NCAM1: variants seen among roughly 807,000 people sequenced by gnomAD.
NCAM1 encodes antigen recognized by monoclonal antibody 5.1H11.
In NCAM1, 14 loss-of-function variants were observed where a neutral mutation model predicts 109.8. The ratio of observed to expected loss-of-function variants is 0.13; its 90% CI spans 0.08 to 0.20. The LOEUF (loss-of-function observed/expected upper bound fraction) is 0.20, where lower values mean the gene tolerates loss of function less well. NCAM1 is among the 10% of genes least tolerant of loss of function. The probability of loss-of-function intolerance (pLI) is 1.00; values close to 1 mark genes in which losing one functional copy is unlikely to be tolerated. For missense variants in NCAM1, 774 were observed against 1,109.9 expected, an observed-to-expected ratio of 0.70 and a Z score of 4.30; for synonymous variants, 418 against 442.9, an observed-to-expected ratio of 0.94 and a Z score of 0.70.
Position 113,232,196 on chromosome 11 carries a change from G to A in NCAM1, c.1267G>A (p.Ala423Thr). ...QYAPKLQGPVAVYTWEGNQVN... is the reference protein window; with the variant it reads ...QYAPKLQGPVTVYTWEGNQVN... ...TGCCCCAAAGCTACAGGGCCCTGTG[G>A]CTGTGTACACTTGGGAGGGGAACCA... is the stretch of plus-strand genomic sequence containing the variant. Residue 423 changes from alanine to threonine, a missense_variant, in exon 11 of 20, where the codon GCT (alanine) becomes ACT (threonine). Transcript: ENST00000316851. 1 of 1,610,340 alleles carries A rather than the reference G, an allele frequency of 6.2e-7. No homozygotes were observed. The highest frequency in any genetic ancestry group is 1.3e-5 in the African/African-American group (1 of 74,900).
At chr11:113,057,694 G>C (rs1472586080) in intron 1 of NCAM1, among the ~76,000 whole-genome samples, 1 of 152,160 alleles carries the variant, frequency 6.6e-6, no homozygotes, top group Admixed American at 6.5e-5. Flanking sequence ...AGAAGTCATA[G>C]ATAACCCCTA....
At chr11:113,015,895 GAGAAGA>G (rs1251886566) in intron 1 of NCAM1, among the ~76,000 whole-genome samples, 4 of 152,152 alleles carry the variant, frequency 2.6e-5, no homozygotes, top group Non-Finnish European at 4.4e-5. Flanking sequence ...GGAGGGCATA[GAGAAGA>G]ATGTTTTCCT....
At chr11:113,240,843 A>AT in intron 14 of NCAM1, 1 of 1,611,612 alleles carries the variant, frequency 6.2e-7, no homozygotes. Flanking sequence ...AGTGAGTATC[A>AT]TTTTCTTCAT....
chr11:113,126,851 A>G (rs1941199718), intron 1 of NCAM1, among the ~76,000 whole-genome samples: 1 of 152,230 alleles, frequency 6.6e-6, no homozygotes, highest in Non-Finnish European at 1.5e-5. Flanking sequence ...CTTAGGTAGA[A>G]CTGCCATAGT....
chr11:113,078,617 T>C (rs1938640729), intron 1 of NCAM1, among the ~76,000 whole-genome samples: 1 of 152,134 alleles, frequency 6.6e-6, no homozygotes. Flanking sequence ...GTCTCATATT[T>C]CCCTCTGTCT....
chr11:113,138,089 C>T (rs1313978924), intron 1 of NCAM1, among the ~76,000 whole-genome samples: 3 of 152,140 alleles, frequency 2.0e-5, no homozygotes, highest in African/African-American at 4.8e-5. Context: ...TGGGTGATTA[C>T]AGCAGAGAGC....
intron 1 of NCAM1, among the ~76,000 whole-genome samples, chr11:113,122,160 C>G (rs535697549): frequency 6.6e-6 from 1 of 152,198 alleles, no homozygotes; most frequent in Non-Finnish European, 1.5e-5. Context: ...CCTGTTCAAT[C>G]TCTAGGTCCT....
At position 113,165,906 on chromosome 11, in the gene NCAM1, G is replaced by A. The variant is rs562721410; in HGVS notation, c.53-36473G>A. ...CGGCTCACTGCAAGCTCTGCCTCCC[G>A]GGTTCATGCCATTCTCCTTTCTCCT... On this transcript the variant is annotated intron_variant, in intron 1 of 19. Coordinates refer to ENST00000316851, the MANE Select transcript of NCAM1 (RefSeq NM_181351.5). Among the ~76,000 whole-genome samples, 46 of 151,340 alleles carry A rather than the reference G, an allele frequency of 3.0e-4. No homozygotes were observed. In the South Asian group the frequency reaches 5.4e-3, roughly 18 times the overall value.
intron 1 of NCAM1, among the ~76,000 whole-genome samples, chr11:113,036,294 C>T (rs73004668): frequency 0.032 from 4,843 of 152,246 alleles, 116 homozygotes; most frequent in South Asian, 0.065. Context: ...CCCAGCTCAA[C>T]AGAAGAGCCA....
chr11:113,048,148 T>G (rs566777289), intron 1 of NCAM1, among the ~76,000 whole-genome samples: 1 of 152,344 alleles, frequency 6.6e-6, no homozygotes, highest in East Asian at 1.9e-4. Context: ...ATTGCTGTCC[T>G]GTTTTTTCCT....
intron 9 of NCAM1, among the ~76,000 whole-genome samples, chr11:113,226,449 C>T (rs1027438107): frequency 2.1e-4 from 32 of 152,176 alleles, no homozygotes; most frequent in African/African-American, 6.5e-4. Flanking sequence ...TAGAGGCCTA[C>T]GAAGAGGCTT....
At chr11:113,109,785 T>A (rs1940360292) in intron 1 of NCAM1, among the ~76,000 whole-genome samples, 1 of 152,150 alleles carries the variant, frequency 6.6e-6, no homozygotes, top group African/African-American at 2.4e-5. Context: ...ATCTTGAATG[T>A]GGATCTTGAA....
chr11:113,037,013 A>G lies in NCAM1; in HGVS notation c.52+75349A>G, dbSNP rs538667280. Among the ~76,000 whole-genome samples, 3 of 152,104 alleles carry G rather than the reference A, an allele frequency of 2.0e-5. No individual in the cohort carries two copies. In the South Asian group the frequency reaches 6.2e-4, roughly 32 times the overall value. ...TTCTTCTGTACCCATGACTTTAACTACCATCCTTATTAATACGACTTCCAA... is the reference window on the plus strand; with the variant it reads ...TTCTTCTGTACCCATGACTTTAACTGCCATCCTTATTAATACGACTTCCAA... On this transcript the variant is annotated intron_variant, in intron 1 of 19. Coordinates refer to ENST00000316851, the MANE Select transcript of NCAM1 (RefSeq NM_181351.5).
At chr11:113,044,839 T>C (rs1953208686) in intron 1 of NCAM1, among the ~76,000 whole-genome samples, 2 of 152,060 alleles carry the variant, frequency 1.3e-5, no homozygotes, top group Admixed American at 6.5e-5. Context: ...CTGAAAGCTC[T>C]GCCTCGCAGG....
At chr11:113,163,833 C>T (rs540068155) in intron 1 of NCAM1, among the ~76,000 whole-genome samples, 48 of 152,242 alleles carry the variant, frequency 3.2e-4, no homozygotes, top group Non-Finnish European at 6.3e-4. Context: ...CCGGGCTGTG[C>T]AAATGAGAGC....
intron 1 of NCAM1, among the ~76,000 whole-genome samples, chr11:113,075,238 T>G (rs1398687507): frequency 6.6e-6 from 1 of 151,982 alleles, no homozygotes; most frequent in Non-Finnish European, 1.5e-5. Context: ...GGCAAATTTT[T>G]TATAAATTTT....
rs1342246447 is a variant in NCAM1 at position 113,045,564 on chromosome 11, G to A, written c.52+83900G>A. On this transcript the variant is annotated intron_variant, in intron 1 of 19. Coordinates refer to ENST00000316851, the MANE Select transcript of NCAM1 (RefSeq NM_181351.5). ...GCACGCCGTGACTACAAAATGTAAAGCAATAGAACACACAGAACACACTGG... is the reference window on the plus strand; with the variant it reads ...GCACGCCGTGACTACAAAATGTAAAACAATAGAACACACAGAACACACTGG... Among the ~76,000 whole-genome samples the A allele has an allele frequency of 2.0e-5, 3 of 152,130 alleles. No individual in the cohort carries two copies. In the East Asian group the frequency reaches 5.8e-4, roughly 29 times the overall value.
intron 1 of NCAM1, among the ~76,000 whole-genome samples, chr11:113,080,009 A>G (rs1271881302): frequency 2.0e-5 from 3 of 152,228 alleles, no homozygotes; most frequent in African/African-American, 7.2e-5. Flanking sequence ...TTAGCTACAA[A>G]GTCTTCCAGG....
intron 1 of NCAM1, among the ~76,000 whole-genome samples, chr11:113,163,947 C>A (rs782283457): frequency 2.6e-5 from 4 of 152,084 alleles, no homozygotes; most frequent in Admixed American, 6.5e-5. Flanking sequence ...TGAGAAGAGA[C>A]AACTGTAGGA....
Sources: gnomAD v4.1 joint callset for allele counts (sites outside exome capture counted in the v4.1 genomes callset) on GRCh38, gnomAD v4.1.1 for gene constraint, MANE v1.5 for transcripts, NCBI Gene and HGNC (gene_info 2026-07-23, HGNC 2026-07-21) for gene names.